Variants in LRCH3 observed in about 807,000 individuals in gnomAD.
LRCH3 encodes the protein DISP complex protein LRCH3.
In LRCH3, 68 loss-of-function variants were observed where a neutral mutation model predicts 104.5. The ratio of observed to expected loss-of-function variants is 0.65; its 90% CI spans 0.54 to 0.80. The LOEUF (loss-of-function observed/expected upper bound fraction) is 0.80. LRCH3 is among the 30% of genes least tolerant of loss of function. The pLI is 0.00. For synonymous variants in LRCH3, 344 were observed against 361.3 expected, an observed-to-expected ratio of 0.95 and a Z score of 0.54; for missense variants, 951 against 953.9, an observed-to-expected ratio of 1.00 and a Z score of 0.04.
At chr3:197,846,449 T>G (rs1015480355) in intron 10 of LRCH3, among the ~76,000 whole-genome samples, 5 of 148,826 alleles carry the variant, frequency 3.4e-5, no homozygotes, top group Non-Finnish European at 7.4e-5. Context: ...GTAATCCAAT[T>G]ACTTTAGGAG....
intron 1 of LRCH3, among the ~76,000 whole-genome samples, chr3:197,805,469 A>G (rs1436897822): frequency 6.6e-6 from 1 of 152,080 alleles, no homozygotes; most frequent in East Asian, 1.9e-4. Context: ...AAACCTAATG[A>G]CAGCCGACAT....
intron 12 of LRCH3, chr3:197,850,324 C>T: frequency 2.1e-5 from 15 of 715,090 alleles, no homozygotes; most frequent in South Asian, 3.5e-5. Flanking sequence ...ATTTAATTCT[C>T]CCAACTCTCT....
At chr3:197,853,554 A>C (rs1739906180) in intron 13 of LRCH3, among the ~76,000 whole-genome samples, 1 of 152,120 alleles carries the variant, frequency 6.6e-6, no homozygotes, top group African/African-American at 2.4e-5. Context: ...GTTTCATGTG[A>C]ATTTTGACTT....
intron 15 of LRCH3, 140 bp downstream of exon 15, chr3:197,859,045 A>G (rs999118466): frequency 2.9e-6 from 2 of 683,836 alleles, no homozygotes; most frequent in East Asian, 5.3e-5. Flanking sequence ...TTTGTTTAAC[A>G]TTGATTTCCC....
Position 197,883,269 on chromosome 3 carries a change from C to T in LRCH3, c.2209-272C>T, listed in dbSNP as rs764082688. The T allele has an allele frequency of 3.0e-5, 34 of 1,136,362 alleles. No homozygotes were observed. Among genetic ancestry groups the T allele is most frequent in the Middle Eastern group, 3.8e-4 (1 of 2,666 alleles). 70.4% of individuals were successfully genotyped at this position (1,136,362 alleles called of 1,614,324 possible). On this transcript the variant is annotated intron_variant, in intron 20 of 20. Transcript: ENST00000425562. The surrounding 1 kb of genome is among the most constrained non-coding windows in gnomAD (Gnocchi z 4.2). The stretch of plus-strand genomic sequence containing the variant: ...CTTTCACCCTGCGGTATTGTTTTCC[C>T]TCTGTTGTATGTATAGATATATGCT...
intron 1 of LRCH3, among the ~76,000 whole-genome samples, chr3:197,797,229 TGAGGC>T (rs2109097105): frequency 6.9e-6 from 1 of 145,690 alleles, no homozygotes; most frequent in African/African-American, 2.5e-5. Context: ...CTTGGGAGGC[TGAGGC>T]AGGAGAATTT....
chr3:197,873,845 A>C (rs1712535586), intron 19 of LRCH3, among the ~76,000 whole-genome samples: 1 of 151,848 alleles, frequency 6.6e-6, no homozygotes, highest in Admixed American at 6.6e-5. Flanking sequence ...ACATGATGAA[A>C]CCCCATCTCT....
At position 197,852,635 on chromosome 3, in the gene LRCH3, T is replaced by A. The variant is rs776590187; in HGVS notation, c.1590+15T>A. The A allele has an allele frequency of 5.0e-6, 8 of 1,611,852 alleles. No individual in the cohort carries two copies. The East Asian group carries it at 8.9e-5, about 18-fold the overall frequency. ...TAGATGGTGAGGTAAGTTGATGTAA[T>A]CTCCTTTTCTTTGGAGTTGATTATT... On this transcript the variant is annotated intron_variant, in intron 13 of 20. Coordinates refer to ENST00000425562, the MANE Select transcript of LRCH3 (RefSeq NM_001365715.1).
intron 9 of LRCH3, among the ~76,000 whole-genome samples, chr3:197,837,935 C>T (rs1006319493): frequency 1.5e-4 from 23 of 152,074 alleles, no homozygotes; most frequent in African/African-American, 5.3e-4. Flanking sequence ...TGGCAGGTGC[C>T]TGTAATCCCA....
Position 197,845,129 on chromosome 3 carries a change from G to A in LRCH3, c.1329-2280G>A, listed in dbSNP as rs182799613. On this transcript the variant is annotated intron_variant, in intron 10 of 20. Transcript: ENST00000425562. The stretch of plus-strand genomic sequence containing the variant: ...TTTTTAGAGAAGTATTGTAAAAAGA[G>A]GGTAAATGAATCTATGTACTTGTAA... Among the ~76,000 whole-genome samples, 10 of 152,242 alleles carry A rather than the reference G, an allele frequency of 6.6e-5. 1 individual carries two copies. The highest frequency in any genetic ancestry group is 2.4e-4 in the African/African-American group (10 of 41,562).
intron 20 of LRCH3, among the ~76,000 whole-genome samples, chr3:197,879,416 G>A (rs562869434): frequency 6.6e-5 from 10 of 152,186 alleles, no homozygotes; most frequent in Admixed American, 5.9e-4. Context: ...GGAGGCCGAG[G>A]TGGGCGGATC....
intron 17 of LRCH3, among the ~76,000 whole-genome samples, chr3:197,869,610 C>T (rs1438403405): frequency 1.5e-5 from 2 of 133,952 alleles, no homozygotes; most frequent in African/African-American, 3.2e-5. Context: ...AAGTAGAAAG[C>T]GATACACTGT....
chr3:197,850,488 A>G (rs1352832253), intron 12 of LRCH3: 14 of 1,591,352 alleles, frequency 8.8e-6, no homozygotes, highest in African/African-American at 6.7e-5. Context: ...TTTAGGAACA[A>G]TCTGTTCCTT....
chr3:197,871,709 C>G (rs1403625800), intron 19 of LRCH3: 2 of 363,828 alleles, frequency 5.5e-6, no homozygotes, highest in Non-Finnish European at 9.6e-6. Context: ...GGCCACTTAA[C>G]TCCACCTGGA....
chr3:197,796,967 T>C (rs1414886890), intron 1 of LRCH3, among the ~76,000 whole-genome samples: 2 of 151,932 alleles, frequency 1.3e-5, no homozygotes, highest in African/African-American at 4.8e-5. Context: ...CTGAGGTGGG[T>C]GGATCACGAG....
chr3:197,846,599 G>C (rs1296569780), intron 10 of LRCH3, among the ~76,000 whole-genome samples: 1 of 151,626 alleles, frequency 6.6e-6, no homozygotes, highest in East Asian at 1.9e-4. Flanking sequence ...CTGGAGCCCA[G>C]GAGGTCAAGA....
intron 10 of LRCH3, among the ~76,000 whole-genome samples, chr3:197,845,659 C>T (rs1738565210): frequency 6.6e-6 from 1 of 152,044 alleles, no homozygotes; most frequent in Non-Finnish European, 1.5e-5. Flanking sequence ...AATCCCAGCA[C>T]TTTGGGAGGC....
At chr3:197,868,385 A>C (rs1317410766) in intron 17 of LRCH3, among the ~76,000 whole-genome samples, 1 of 152,240 alleles carries the variant, frequency 6.6e-6, no homozygotes, top group Non-Finnish European at 1.5e-5. Context: ...TATGCAAATA[A>C]TACTACATTT....
rs141137983 is a variant in LRCH3 at position 197,858,106 on chromosome 3, G to A, written c.1645-728G>A. ...ATCCAGGGCTCTTTGTGAAAGTATT[G>A]TCTTCTCTGATTTCCACTCTCCATG... On this transcript the variant is annotated intron_variant, in intron 14 of 20. Transcript: ENST00000425562. Among the ~76,000 whole-genome samples the A allele has an allele frequency of 5.1e-3, 783 of 152,204 alleles. 7 individuals carry two copies. Among genetic ancestry groups the A allele is most frequent in the African/African-American group, 0.018 (739 of 41,544 alleles).
Sources: gnomAD v4.1 joint callset for allele counts (sites outside exome capture counted in the v4.1 genomes callset) on GRCh38, gnomAD v4.1.1 for gene constraint, Gnocchi (gnomAD v3.1) non-coding constraint, MANE v1.5 for transcripts, NCBI Gene and HGNC (gene_info 2026-07-23, HGNC 2026-07-21) for gene names.